The following LHFPL3 variants were observed in gnomAD, a reference collection of about 807,000 sequenced individuals.
The protein encoded by LHFPL3 is LHFPL tetraspan subfamily member 3 protein.
A neutral mutation model predicts 19.3 loss-of-function variants in LHFPL3; 5 were observed. That is an observed-to-expected ratio of 0.26 (90% CI 0.14 to 0.54). LHFPL3 has a LOEUF of 0.54. Among genes scored for constraint, LHFPL3 ranks in the 20% least tolerant of loss-of-function variants. The pLI is 0.94. For synonymous variants in LHFPL3, 133 were observed against 126.2 expected, an observed-to-expected ratio of 1.05 and a Z score of -0.36; for missense variants, 249 against 307.4, an observed-to-expected ratio of 0.81 and a Z score of 1.42.
intron 2 of LHFPL3, among the ~76,000 whole-genome samples, chr7:104,762,004 C>T (rs1458468453): frequency 1.3e-5 from 2 of 152,132 alleles, no homozygotes; most frequent in African/African-American, 2.4e-5. Flanking sequence ...ATTTCATGTG[C>T]CTATGAATCA....
intron 1 of LHFPL3, among the ~76,000 whole-genome samples, chr7:104,723,903 T>C (rs1793537028): frequency 6.6e-6 from 1 of 152,270 alleles, no homozygotes; most frequent in Admixed American, 6.5e-5. Flanking sequence ...TTACTATCCC[T>C]CCTGGTCAGG....
intron 1 of LHFPL3, among the ~76,000 whole-genome samples, chr7:104,620,607 G>A (rs1791426873): frequency 6.6e-6 from 1 of 152,072 alleles, no homozygotes; most frequent in Admixed American, 6.5e-5. Flanking sequence ...TTTGTCCTTT[G>A]TTATACACAG....
At chr7:104,763,321 G>A (rs567283369) in intron 2 of LHFPL3, among the ~76,000 whole-genome samples, 5 of 152,302 alleles carry the variant, frequency 3.3e-5, no homozygotes, top group Admixed American at 2.0e-4. Flanking sequence ...AAAACTAGTG[G>A]CTCCCTTGCA....
chr7:104,419,682 T>A (rs1440641142), intron 1 of LHFPL3, among the ~76,000 whole-genome samples: 1 of 152,176 alleles, frequency 6.6e-6, no homozygotes, highest in African/African-American at 2.4e-5. Context: ...GAGAGAAGGA[T>A]GAAGCCAAAG....
intron 1 of LHFPL3, among the ~76,000 whole-genome samples, chr7:104,541,812 A>G (rs1794490610): frequency 6.6e-6 from 1 of 152,086 alleles, no homozygotes; most frequent in Non-Finnish European, 1.5e-5. Flanking sequence ...ATGGTATTTG[A>G]AACCCTAGGA....
chr7:104,543,433 T>C (rs1794525464), intron 1 of LHFPL3, among the ~76,000 whole-genome samples: 1 of 151,944 alleles, frequency 6.6e-6, no homozygotes, highest in Non-Finnish European at 1.5e-5. Context: ...CAAAGGATTA[T>C]AAATCATGCT....
intron 2 of LHFPL3, among the ~76,000 whole-genome samples, chr7:104,746,393 A>G (rs566884414): frequency 2.0e-5 from 3 of 151,260 alleles, no homozygotes; most frequent in Admixed American, 1.3e-4. Flanking sequence ...GGAATGAAAA[A>G]CTCCCCAGGA....
intron 1 of LHFPL3, among the ~76,000 whole-genome samples, chr7:104,545,068 C>T (rs1794555518): frequency 6.6e-6 from 1 of 152,162 alleles, no homozygotes. Context: ...CTAATATGCT[C>T]TCAGATCATT....
intron 1 of LHFPL3, among the ~76,000 whole-genome samples, chr7:104,374,191 T>C (rs1340029791): frequency 3.4e-5 from 3 of 87,184 alleles, no homozygotes; most frequent in African/African-American, 1.8e-4. Flanking sequence ...TTCTATTATC[T>C]ATCTATCTAT....
chr7:104,835,419 C>A (rs1791071407), intron 2 of LHFPL3, among the ~76,000 whole-genome samples: 1 of 151,756 alleles, frequency 6.6e-6, no homozygotes, highest in Non-Finnish European at 1.5e-5. Flanking sequence ...ACAGCACCAG[C>A]AAGAAGGTAA....
At chr7:104,651,909 C>A (rs894880352) in intron 1 of LHFPL3, among the ~76,000 whole-genome samples, 3 of 152,190 alleles carry the variant, frequency 2.0e-5, no homozygotes, top group African/African-American at 7.2e-5. Context: ...TAAATGACAT[C>A]ACATATGTGG....
chr7:104,478,173 A>T (rs1475508272), intron 1 of LHFPL3, among the ~76,000 whole-genome samples: 4 of 152,202 alleles, frequency 2.6e-5, no homozygotes, highest in Admixed American at 2.6e-4. Flanking sequence ...GTCAAAAAAG[A>T]CTTTTTTTTA....
At chr7:104,490,304 ACTC>A (rs1232716012) in intron 1 of LHFPL3, among the ~76,000 whole-genome samples, 1 of 151,944 alleles carries the variant, frequency 6.6e-6, no homozygotes, top group East Asian at 1.9e-4. Context: ...CATCTGTTTC[ACTC>A]CTCTTCTACT....
chr7:104,666,715 G>A (rs1344143818), intron 1 of LHFPL3, among the ~76,000 whole-genome samples: 1 of 150,498 alleles, frequency 6.6e-6, no homozygotes, highest in African/African-American at 2.4e-5. Context: ...TACAGACGGG[G>A]TTTCACCGTT....
At chr7:104,851,552 G>C (rs1427427294) in intron 2 of LHFPL3, among the ~76,000 whole-genome samples, 1 of 152,174 alleles carries the variant, frequency 6.6e-6, no homozygotes, top group African/African-American at 2.4e-5. Flanking sequence ...CAACGCATTG[G>C]TCACCCTGGA....
Position 104,328,768 on chromosome 7 carries a change from AGGAGGG to A in LHFPL3, c.-7_-2del, listed in dbSNP as rs2116337161. On this transcript the variant is annotated 5_prime_UTR_variant, in exon 1 of 3. Transcript: ENST00000424859. This position sits in a 1 kb window ranked among gnomAD's most constrained non-coding sequence, Gnocchi z 4.6. ...GACCAGGAGGAGGAGGAGGAGGAGG[AGGAGGG>A]GGAGAATGCCCGGAGCCGCCGCCGC... 6.7e-7 allele frequency: 1 copy of A among 1,503,220 alleles called. No homozygotes were observed. Among genetic ancestry groups the A allele is most frequent in the Admixed American group, 2.0e-5 (1 of 49,340 alleles). The allele number at this position is 1,503,220 out of a possible 1,614,324, so 93.1% of individuals were successfully genotyped here. A position where few individuals can be genotyped will look rare whatever the true frequency, so the allele number is the denominator to read the frequency against.
intron 2 of LHFPL3, among the ~76,000 whole-genome samples, chr7:104,838,550 G>T (rs1456352954): frequency 1.3e-5 from 2 of 152,192 alleles, no homozygotes; most frequent in African/African-American, 4.8e-5. Flanking sequence ...ACATATTTAT[G>T]TTTCATTGTA....
chr7:104,806,226 G>A (rs1012155888), intron 2 of LHFPL3, among the ~76,000 whole-genome samples: 5 of 152,184 alleles, frequency 3.3e-5, no homozygotes, highest in Non-Finnish European at 7.3e-5. Context: ...ATGCCACAAA[G>A]CATAATGCTT....
At chr7:104,768,349 G>T (rs1794495403) in intron 2 of LHFPL3, among the ~76,000 whole-genome samples, 1 of 151,986 alleles carries the variant, frequency 6.6e-6, no homozygotes, top group Non-Finnish European at 1.5e-5. Flanking sequence ...ACGTATCATT[G>T]GCCTTTTGTG....
Sources: allele counts gnomAD v4.1 joint callset (sites outside exome capture counted in the v4.1 genomes callset), GRCh38; gene constraint gnomAD v4.1.1; non-coding constraint Gnocchi (gnomAD v3.1); transcripts MANE v1.5; gene names NCBI Gene and HGNC (gene_info 2026-07-23, HGNC 2026-07-21).